Variants in ELOA2 observed in about 807,000 individuals in gnomAD.
ELOA2 encodes the protein elongin-A2.
For missense variants in ELOA2, 1,271 were observed against 979.7 expected, an observed-to-expected ratio of 1.30 and a Z score of -3.97; for synonymous variants, 497 against 398.8, an observed-to-expected ratio of 1.25 and a Z score of -2.94.
chr18:47,035,544 A>G lies in ELOA2; in HGVS notation c.-280T>C. ...TCTGCAGTTTGCTGTGCAACAAAGA[A>G]TGAAGCTCTGGTGCCAGAGCTGGGC... On this transcript the variant is annotated 5_prime_UTR_variant, in exon 1 of 1. Transcript: ENST00000332567. 1.5e-6 allele frequency: 1 copy of G among 651,434 alleles called. No individual in the cohort carries two copies. The highest frequency in any genetic ancestry group is 2.0e-5 in the South Asian group (1 of 49,914). 40.4% of individuals were successfully genotyped at this position (651,434 alleles called of 1,614,324 possible).
rs1302397322 is a variant in ELOA2, at chr18:47,035,200, G to A, written c.65C>T (p.Thr22Met). The A allele has an allele frequency of 1.2e-6, 2 of 1,612,648 alleles. No homozygotes were observed. The highest frequency in any genetic ancestry group is 2.2e-5 in the East Asian group (1 of 44,876). Reference sequence around the variant, plus strand: ...ATATTTCTCTAGCTTTTTCGGCTCCGTCTTAGTGGCCAGACGCACCTGCAG... The same window carrying A: ...ATATTTCTCTAGCTTTTTCGGCTCCATCTTAGTGGCCAGACGCACCTGCAG... The part of the protein sequence containing the change: ...EKLQVRLATK[T>M]EPKKLEKYLQ... The change falls in exon 1 of 1, where the codon ACG (threonine) becomes ATG (methionine). Residue 22 changes from threonine to methionine, a missense_variant. Physicochemically the swap from Thr to Met is moderately conservative, Grantham distance 81 (BLOSUM62 -1). Transcript: ENST00000332567.
Position 47,034,295 on chromosome 18 carries a change from C to G in ELOA2, c.970G>C (p.Asp324His), listed in dbSNP as rs2060645271. 2.5e-6 allele frequency: 4 copies of G among 1,613,452 alleles called. No homozygotes were observed. The highest frequency in any genetic ancestry group is 2.7e-5 in the African/African-American group (2 of 74,940). Residue 324 changes from aspartate to histidine, a missense_variant, in exon 1 of 1, where the codon GAC (aspartate) becomes CAC (histidine). Physicochemically the swap from Asp to His is moderately conservative, Grantham distance 81. Transcript: ENST00000332567. ...AGGCCGTGTGTCCCATTTCCTGGGT[C>G]CCGGCCGTCTAGACTGGGCCTCTTC... The part of the protein sequence containing the change: ...NKKRPSLDGR[D>H]PGNGTHGLSP...
chr18:47,033,512 G>A lies in ELOA2; in HGVS notation c.1753C>T (p.Arg585Trp), dbSNP rs745354631. 2 of 1,614,078 alleles carry A rather than the reference G, an allele frequency of 1.2e-6. No homozygotes were observed. The highest frequency in any genetic ancestry group is 1.7e-5 in the Admixed American group (1 of 60,016). Residue 585 changes from arginine (R) to tryptophan (W), a missense_variant, in exon 1 of 1, where the codon CGG becomes TGG. By Grantham distance (101) the Arg-to-Trp change is moderately radical. Transcript: ENST00000332567. ...HALVRETDEL[R>W]RNHCFQDFKE... ...AAGTCCTGGAAACAATGATTCCTCCGTAATTCGTCTGTCTCTCTAACGAGT... is the reference window on the plus strand; with the variant it reads ...AAGTCCTGGAAACAATGATTCCTCCATAATTCGTCTGTCTCTCTAACGAGT...
rs1957608257 is a variant in ELOA2 at position 47,032,691 on chromosome 18, C to G, written c.*312G>C. The G allele has an allele frequency of 1.7e-5, 7 of 423,456 alleles. No individual in the cohort carries two copies. The South Asian group carries it at 2.2e-4, about 13-fold the overall frequency. 26.2% of individuals were successfully genotyped at this position (423,456 alleles called of 1,614,324 possible). The stretch of plus-strand genomic sequence containing the variant: ...AAAAAAAAGAAAGGAAAAAGGAAAT[C>G]TCACATCTTTTTCCTTATTTATGAT... On this transcript the variant is annotated 3_prime_UTR_variant, in exon 1 of 1. Coordinates refer to ENST00000332567, the MANE Select transcript of ELOA2 (RefSeq NM_016427.3).
rs1166313890 is a variant in ELOA2, at chr18:47,032,576, C to G, written c.*427G>C. On this transcript the variant is annotated 3_prime_UTR_variant, in exon 1 of 1. Transcript: ENST00000332567. ...ATTAAAACAACAACAACGGCAGCAA[C>G]AGCAAACATTTTATGTATTCGGAGT... 4.7e-5 allele frequency: 10 copies of G among 214,600 alleles called. No individual in the cohort carries two copies. The South Asian group carries it at 5.2e-4, about 11-fold the overall frequency. 13.3% of individuals were successfully genotyped at this position (214,600 alleles called of 1,614,324 possible).
Position 47,034,786 on chromosome 18 carries a change from A to C in ELOA2, c.479T>G (p.Ile160Arg), listed in dbSNP as rs151287064. 1.4e-5 allele frequency: 22 copies of C among 1,612,316 alleles called. 1 individual carries two copies. The highest frequency in any genetic ancestry group is 2.0e-4 in the Middle Eastern group (1 of 5,002). Residue 160 changes from isoleucine to arginine, a missense_variant, in exon 1 of 1, where the codon ATA becomes AGA. Ile to Arg is a moderately conservative substitution (Grantham distance 97). Transcript: ENST00000332567. ...ATAGCGGCCGGAATCAGCTGGGGCT[A>C]TTCTGGGGCACTTTCTCTCAGCTCT... ...EPRAERKCPRIAPADSGRYRA... is the reference protein window; with the variant it reads ...EPRAERKCPRRAPADSGRYRA...
chr18:47,033,574 G>C lies in ELOA2; in HGVS notation c.1691C>G (p.Pro564Arg). Reference protein sequence around the residue: ...VLEPVLEGWRPDQLYRRKKDN... With the variant: ...VLEPVLEGWRRDQLYRRKKDN... ...TTTCTTTCTGCGATACAGCTGATCGGGCCTCCACCCTTCCAGAACAGGTTC... is the reference window on the plus strand; with the variant it reads ...TTTCTTTCTGCGATACAGCTGATCGCGCCTCCACCCTTCCAGAACAGGTTC... The change falls in exon 1 of 1, where the codon CCC becomes CGC. Residue 564 changes from proline to arginine, a missense_variant. Coordinates refer to ENST00000332567, the MANE Select transcript of ELOA2 (RefSeq NM_016427.3). 1 of 1,614,100 alleles carries C rather than the reference G, an allele frequency of 6.2e-7. No homozygotes were observed. The highest frequency in any genetic ancestry group is 1.1e-5 in the South Asian group (1 of 91,074).
In ELOA2 at chr18:47,033,519, G is replaced by A. The variant is rs775198012; in HGVS notation, c.1746C>T (p.Asp582=). The A allele has an allele frequency of 6.2e-7, 1 of 1,614,060 alleles. No individual in the cohort carries two copies. The highest frequency in any genetic ancestry group is 1.7e-5 in the Admixed American group (1 of 60,024). Residue 582 remains aspartate, a synonymous_variant, in exon 1 of 1, where the codon GAC becomes GAT. Coordinates refer to ENST00000332567, the MANE Select transcript of ELOA2 (RefSeq NM_016427.3). The part of the protein sequence containing the change: ...KDNHALVRET[D]ELRRNHCFQD... ...GGAAACAATGATTCCTCCGTAATTC[G>A]TCTGTCTCTCTAACGAGTGCGTGAT... is the stretch of plus-strand genomic sequence containing the variant.
At position 47,034,323 on chromosome 18, in the gene ELOA2, G is replaced by A; in HGVS notation, c.942C>T (p.Asn314=). The change falls in exon 1 of 1, where the codon AAC becomes AAT. Residue 314 remains asparagine (N), a synonymous_variant. Transcript: ENST00000332567. ...HQKRPQHSHS[N]KKRPSLDGRD... ...GGCCGTCTAGACTGGGCCTCTTCTT[G>A]TTCGAGTGACTGTGCTGAGGCCTCT... The A allele has an allele frequency of 6.2e-7, 1 of 1,612,746 alleles. No homozygotes were observed. The highest frequency in any genetic ancestry group is 8.5e-7 in the Non-Finnish European group (1 of 1,178,904).
chr18:47,034,188 C>A lies in ELOA2; in HGVS notation c.1077G>T (p.Thr359=). 6.2e-7 allele frequency: 1 copy of A among 1,614,132 alleles called. No homozygotes were observed. Among genetic ancestry groups the A allele is most frequent in the Non-Finnish European group, 8.5e-7 (1 of 1,179,962 alleles). ...CCACCTCAGAGAGGGAGCTCACGGA[C>A]GTTCTGTCCAAATGAGCAGTCGGTG... ...GKPPTAHLDR[T]SVSSLSEVEE... The change falls in exon 1 of 1, where the codon ACG becomes ACT. Residue 359 remains threonine, a synonymous_variant. Transcript: ENST00000332567.
In ELOA2 at chr18:47,034,486, T is replaced by G; in HGVS notation, c.779A>C (p.Glu260Ala). ...CCAGGAGGGCATCCTTGGGGTTTCC[T>G]CTCTTAAGCAGGCCCCGCATGATTT... is the stretch of plus-strand genomic sequence containing the variant. Reference protein sequence around the residue: ...REKSCGACLREETPRMPSWAS... With the variant: ...REKSCGACLRAETPRMPSWAS... Residue 260 changes from glutamate (E) to alanine (A), a missense_variant, in exon 1 of 1, where the codon GAG (glutamate) becomes GCG (alanine). Glu to Ala is a moderately radical substitution (Grantham distance 107). Coordinates refer to ENST00000332567, the MANE Select transcript of ELOA2 (RefSeq NM_016427.3). 6.2e-7 allele frequency: 1 copy of G among 1,614,128 alleles called. No individual in the cohort carries two copies. The highest frequency in any genetic ancestry group is 8.5e-7 in the Non-Finnish European group (1 of 1,180,002).
chr18:47,033,307 T>C lies in ELOA2; in HGVS notation c.1958A>G (p.Asp653Gly), dbSNP rs888552028. 1.2e-6 allele frequency: 2 copies of C among 1,613,508 alleles called. No individual in the cohort carries two copies. The highest frequency in any genetic ancestry group is 2.7e-5 in the African/African-American group (2 of 74,900). ...CFKSVAKTPY[D>G]TSRRQEKSAG... is the part of the protein sequence containing the mutation. ...AGACTTCTCTTGCCTCCTTGAAGTA[T>C]CATAAGGCGTCTTGGCCACAGATTT... Residue 653 changes from aspartate (D) to glycine (G), a missense_variant, in exon 1 of 1, where the codon GAT becomes GGT. Asp to Gly is a moderately conservative substitution (Grantham distance 94, BLOSUM62 -1). Transcript: ENST00000332567.
Position 47,032,800 on chromosome 18 carries a change from G to T in ELOA2, c.*203C>A, listed in dbSNP as rs2060536276. ...TGCGTTCATATCTTCTGAATTCTGA[G>T]GTGTTCTCCAAGCTGGGAGGTAGTG... On this transcript the variant is annotated 3_prime_UTR_variant, in exon 1 of 1. Coordinates refer to ENST00000332567, the MANE Select transcript of ELOA2 (RefSeq NM_016427.3). 1.1e-6 allele frequency: 1 copy of T among 885,324 alleles called. No individual in the cohort carries two copies. The highest frequency in any genetic ancestry group is 1.7e-6 in the Non-Finnish European group (1 of 586,378). The allele number at this position is 885,324 out of a possible 1,614,324, so 54.8% of individuals were successfully genotyped here.
chr18:47,033,315 C>G lies in ELOA2; in HGVS notation c.1950G>C (p.Thr650=). ...CTTGCCTCCTTGAAGTATCATAAGGCGTCTTGGCCACAGATTTGAAACAGA... is the reference window on the plus strand; with the variant it reads ...CTTGCCTCCTTGAAGTATCATAAGGGGTCTTGGCCACAGATTTGAAACAGA... ...KMICFKSVAK[T]PYDTSRRQEK... The change falls in exon 1 of 1, where the codon ACG becomes ACC. Residue 650 remains threonine, a synonymous_variant. Transcript: ENST00000332567. 6.2e-7 allele frequency: 1 copy of G among 1,613,670 alleles called. No individual in the cohort carries two copies. Among genetic ancestry groups the G allele is most frequent in the South Asian group, 1.1e-5 (1 of 91,064 alleles).
rs750823099 is a variant in ELOA2 at position 47,033,046 on chromosome 18, G to C, written c.2219C>G (p.Ala740Gly). The C allele has an allele frequency of 6.2e-7, 1 of 1,614,026 alleles. No individual in the cohort carries two copies. Among genetic ancestry groups the C allele is most frequent in the Non-Finnish European group, 8.5e-7 (1 of 1,180,044 alleles). ...QAAKKVAPLM[A>G]KAIRDYKRRF... The stretch of plus-strand genomic sequence containing the variant: ...TCTCTTGTAGTCTCGAATTGCCTTG[G>C]CCATCAGCGGGGCCACTTTCTTGGC... The change falls in exon 1 of 1, where the codon GCC (alanine) becomes GGC (glycine). Residue 740 changes from alanine (A) to glycine (G), a missense_variant. By Grantham distance (60) the Ala-to-Gly change is moderately conservative. Coordinates refer to ENST00000332567, the MANE Select transcript of ELOA2 (RefSeq NM_016427.3).
At position 47,033,010 on chromosome 18, in the gene ELOA2, C is replaced by A; in HGVS notation, c.2255G>T (p.Arg752Leu). 1 of 1,614,114 alleles carries A rather than the reference C, an allele frequency of 6.2e-7. No individual in the cohort carries two copies. Among genetic ancestry groups the A allele is most frequent in the Non-Finnish European group, 8.5e-7 (1 of 1,180,046 alleles). The change falls in exon 1 of 1, where the codon CGA becomes CTA. Residue 752 changes from arginine to leucine, a missense_variant. Coordinates refer to ENST00000332567, the MANE Select transcript of ELOA2 (RefSeq NM_016427.3). ...AIRDYKRRFS[R>L]R Reference sequence around the variant, plus strand: ...GCAAGGCAAGTCCTGAGTTTATCGTCGGGAGAATCTTCTCTTGTAGTCTCG... The same window carrying A: ...GCAAGGCAAGTCCTGAGTTTATCGTAGGGAGAATCTTCTCTTGTAGTCTCG...
rs760973046 is a variant in ELOA2, at chr18:47,034,702, G to T, written c.563C>A (p.Ala188Glu). 15 of 1,612,924 alleles carry T rather than the reference G, an allele frequency of 9.3e-6. No homozygotes were observed. The highest frequency in any genetic ancestry group is 2.2e-5 in the East Asian group (1 of 44,840). Reference protein sequence around the residue: ...LRMPEGPEPAAPGKQPGRGHT... With the variant: ...LRMPEGPEPAEPGKQPGRGHT... Reference sequence around the variant, plus strand: ...GCCTCTTCCGGGTTGCTTCCCGGGCGCAGCGGGCTCAGGGCCCTCGGGCAT... The same window carrying T: ...GCCTCTTCCGGGTTGCTTCCCGGGCTCAGCGGGCTCAGGGCCCTCGGGCAT... The change falls in exon 1 of 1, where the codon GCG becomes GAG. Residue 188 changes from alanine to glutamate, a missense_variant. By Grantham distance (107) the Ala-to-Glu change is moderately radical (BLOSUM62 -1). Transcript: ENST00000332567.
In ELOA2 at chr18:47,035,369, AGGCAGCGACCTCG is replaced by A. The variant is rs1289687098; in HGVS notation, c.-118_-106del. 16 of 1,569,214 alleles carry A rather than the reference AGGCAGCGACCTCG, an allele frequency of 1.0e-5. 1 individual carries two copies. The Admixed American group carries it at 2.8e-4, about 27-fold the overall frequency. ...GGCCGGTCCTCGCTGCCCGGTCGCC[AGGCAGCGACCTCG>A]GGATGTGGAGTCACAGCCTGGAGCG... On this transcript the variant is annotated 5_prime_UTR_variant, in exon 1 of 1. An upstream open reading frame in the 5' UTR loses its in-frame stop. Coordinates refer to ENST00000332567, the MANE Select transcript of ELOA2 (RefSeq NM_016427.3).
chr18:47,032,983 C>G lies in ELOA2; in HGVS notation c.*20G>C. ...ATGCAAAAATCCCCCCAGATTTTAT[C>G]TGCAAGGCAAGTCCTGAGTTTATCG... On this transcript the variant is annotated 3_prime_UTR_variant, in exon 1 of 1. Transcript: ENST00000332567. The G allele has an allele frequency of 6.2e-7, 1 of 1,613,954 alleles. No individual in the cohort carries two copies. Among genetic ancestry groups the G allele is most frequent in the African/African-American group, 1.3e-5 (1 of 75,076 alleles).
Sources: gnomAD v4.1 joint callset for allele counts on GRCh38, gnomAD v4.1.1 for gene constraint, MANE v1.5 for transcripts, NCBI Gene and HGNC (gene_info 2026-07-23, HGNC 2026-07-21) for gene names.